The following ARID3A variants were observed in gnomAD, a reference collection of about 807,000 sequenced individuals.
The protein encoded by ARID3A is AT-rich interaction domain 3A.
Under a neutral mutation model 52.7 loss-of-function variants are expected in ARID3A, and 11 were observed. The ratio of observed to expected loss-of-function variants is 0.21; its 90% CI spans 0.13 to 0.35. The LOEUF (loss-of-function observed/expected upper bound fraction) is 0.35. Among genes scored for constraint, ARID3A ranks in the 10% least tolerant of loss-of-function variants. The pLI, the probability that ARID3A is intolerant of heterozygous loss-of-function variation, is 1.00. For synonymous variants in ARID3A, 404 were observed against 359.4 expected (o/e 1.12, Z -1.40); for missense variants, 721 against 838.5 (o/e 0.86, Z 1.73).
intron 3 of ARID3A, among the ~76,000 whole-genome samples, chr19:951,333 G>A (rs2037799350): frequency 6.6e-6 from 1 of 151,576 alleles, no homozygotes; most frequent in South Asian, 2.1e-4. Flanking sequence ...GAGGCGGGCG[G>A]ATCACAAGGT....
chr19:952,151 C>T (rs1213296504), intron 3 of ARID3A, among the ~76,000 whole-genome samples: 2 of 150,400 alleles, frequency 1.3e-5, no homozygotes, highest in Non-Finnish European at 3.0e-5. Context: ...AAAACAAAAA[C>T]AAAGTGTCTC....
chr19:946,290 C>T (rs2037678565), intron 3 of ARID3A, among the ~76,000 whole-genome samples: 3 of 152,004 alleles, frequency 2.0e-5, no homozygotes, highest in African/African-American at 4.8e-5. Context: ...GAGACAGAGT[C>T]TTGCTTTGTC....
rs2038023748 is a variant in ARID3A, at chr19:960,767, G to A, written c.766+603G>A. 6.6e-6 allele frequency among the ~76,000 whole-genome samples: 1 copy of A among 152,126 alleles called. No individual in the cohort carries two copies. Among genetic ancestry groups the A allele is most frequent in the Non-Finnish European group, 1.5e-5 (1 of 68,022 alleles). ...GGTACCCCAGATGTGCTGAGTGCAG[G>A]GCCGCTGTTTACTGTGCACACTTAT... On this transcript the variant is annotated intron_variant, in intron 4 of 8. Coordinates refer to ENST00000263620, the MANE Select transcript of ARID3A (RefSeq NM_005224.3). The surrounding 1 kb of genome is among the most constrained non-coding windows in gnomAD (Gnocchi z 4.3).
chr19:946,796 T>TTG (rs544067938), intron 3 of ARID3A, among the ~76,000 whole-genome samples: 4,467 of 150,096 alleles, frequency 0.03, 90 homozygotes, highest in African/African-American at 0.053. Flanking sequence ...GTTTGTTTGT[T>TTG]TGTGTGTGTG....
At chr19:971,701 C>A (rs964717267) in intron 8 of ARID3A, among the ~76,000 whole-genome samples, 177 bp from the exon 9 acceptor site, 4 of 152,178 alleles carry the variant, frequency 2.6e-5, no homozygotes, top group African/African-American at 9.7e-5. Flanking sequence ...CTGGGAGGAT[C>A]ACTTGAGCCC....
At position 973,398 on chromosome 19, in the gene ARID3A, G is replaced by C. The variant is rs2038322054; in HGVS notation, c.*1333G>C. 5.3e-6 allele frequency: 1 copy of C among 189,464 alleles called. No individual in the cohort carries two copies. The highest frequency in any genetic ancestry group is 1.9e-4 in the South Asian group (1 of 5,146). The allele number at this position is 189,464 out of a possible 1,614,324, so 11.7% of individuals were successfully genotyped here. On this transcript the variant is annotated 3_prime_UTR_variant, in exon 9 of 9. Coordinates refer to ENST00000263620, the MANE Select transcript of ARID3A (RefSeq NM_005224.3). ...CAAAGTGCTGGGATTACAGGCATGAGCCGCCACGCTGGCCCGGTCTGGAAA... is the reference window on the plus strand; with the variant it reads ...CAAAGTGCTGGGATTACAGGCATGACCCGCCACGCTGGCCCGGTCTGGAAA...
In ARID3A at chr19:974,846, G is replaced by C. The variant is rs375326157; in HGVS notation, c.*2781G>C. On this transcript the variant is annotated 3_prime_UTR_variant, in exon 9 of 9. Transcript: ENST00000263620. ...AGGACTTGAGCCTGCTGTTAACTCC[G>C]ATGATTGTAGGGACAGGCGGGGTGG... 25 of 142,814 alleles carry C rather than the reference G, an allele frequency of 1.8e-4. No homozygotes were observed. The highest frequency in any genetic ancestry group is 5.9e-4 in the African/African-American group (23 of 38,952). 8.8% of individuals were successfully genotyped at this position (142,814 alleles called of 1,614,324 possible). A position where few individuals can be genotyped will look rare whatever the true frequency, so the allele number is the denominator to read the frequency against.
chr19:942,051 C>T lies in ARID3A; in HGVS notation c.693+9309C>T, dbSNP rs916719240. 1.3e-5 allele frequency among the ~76,000 whole-genome samples: 2 copies of T among 152,174 alleles called. No individual in the cohort carries two copies. The highest frequency in any genetic ancestry group is 6.5e-5 in the Admixed American group (1 of 15,278). ...GCGCTGTCTGTCTTGGTCAGCAGCG[C>T]GCGTCGGCCGCGGGGCACAGATCAG... On this transcript the variant is annotated intron_variant, in intron 3 of 8. Transcript: ENST00000263620. This position sits in a 1 kb window ranked among gnomAD's most constrained non-coding sequence, Gnocchi z 8.1.
At position 959,469 on chromosome 19, in the gene ARID3A, G is replaced by C. The variant is rs191167044; in HGVS notation, c.694-623G>C. 7.7e-4 allele frequency among the ~76,000 whole-genome samples: 117 copies of C among 152,166 alleles called. No individual in the cohort carries two copies. The highest frequency in any genetic ancestry group is 4.8e-3 in the South Asian group (23 of 4,822). On this transcript the variant is annotated intron_variant, in intron 3 of 8. Transcript: ENST00000263620. The surrounding 1 kb of genome is among the most constrained non-coding windows in gnomAD (Gnocchi z 5.0). ...TTTGTTATCATAATGTAGAGATGGG[G>C]TCTCACTATGTTGCCCAGGCTGGTC...
chr19:932,508 G>T lies in ARID3A; in HGVS notation c.459G>T (p.Glu153Asp). The T allele has an allele frequency of 6.5e-7, 1 of 1,544,746 alleles. No individual in the cohort carries two copies. The change falls in exon 3 of 9, where the codon GAG (glutamate) becomes GAT (aspartate). Residue 153 changes from glutamate (E) to aspartate (D), a missense_variant. Physicochemically the swap from Glu to Asp is conservative, Grantham distance 45. Coordinates refer to ENST00000263620, the MANE Select transcript of ARID3A (RefSeq NM_005224.3). Reference sequence around the variant, plus strand: ...AGGATTACGAGGATGAGGAGGAGGAGGAGGACGAGGAGGGGCTGGGCCCCC... The same window carrying T: ...AGGATTACGAGGATGAGGAGGAGGATGAGGACGAGGAGGGGCTGGGCCCCC... The part of the protein sequence containing the change: ...EEEDYEDEEE[E>D]EDEEGLGPPG...
In ARID3A at chr19:966,717, G is replaced by T; in HGVS notation, c.1344G>T (p.Gln448His). ...AVAAQAAALE[Q>H]LREKLESAEP... is the part of the protein sequence containing the mutation. ...CCGCACAGGCAGCTGCCCTGGAACA[G>T]CTGCGGGAGAAGCTGGAGTCTGCAG... Residue 448 changes from glutamine (Q) to histidine (H), a missense_variant, in exon 7 of 9, where the codon CAG (glutamine) becomes CAT (histidine). Gln to His is a conservative substitution (Grantham distance 24, BLOSUM62 0). Coordinates refer to ENST00000263620, the MANE Select transcript of ARID3A (RefSeq NM_005224.3). 1 of 1,612,432 alleles carries T rather than the reference G, an allele frequency of 6.2e-7. No individual in the cohort carries two copies. Among genetic ancestry groups the T allele is most frequent in the Non-Finnish European group, 8.5e-7 (1 of 1,179,704 alleles).
rs896580333 is a variant in ARID3A, at chr19:975,363, G to C, written c.*3298G>C. 1.3e-5 allele frequency: 3 copies of C among 231,222 alleles called. No individual in the cohort carries two copies. Among genetic ancestry groups the C allele is most frequent in the Non-Finnish European group, 2.6e-5 (3 of 116,880 alleles). 14.3% of individuals were successfully genotyped at this position (231,222 alleles called of 1,614,324 possible). A position where few individuals can be genotyped will look rare whatever the true frequency, so the allele number is the denominator to read the frequency against. On this transcript the variant is annotated 3_prime_UTR_variant, in exon 9 of 9. Coordinates refer to ENST00000263620, the MANE Select transcript of ARID3A (RefSeq NM_005224.3). ...CAGAAAGGCGGGAGGGTGGGCACGG[G>C]GCACGGGGGGCAGCTGGGGTCGTTG...
At chr19:966,474 A>G in intron 6 of ARID3A, 98 bp from the exon 7 acceptor site, 2 of 1,048,652 alleles carry the variant, frequency 1.9e-6, no homozygotes, top group Non-Finnish European at 2.6e-6. Context: ...AAAAAAAAAA[A>G]AGAAAAGAAA....
chr19:949,397 G>C (rs1160983279), intron 3 of ARID3A, among the ~76,000 whole-genome samples: 1 of 152,304 alleles, frequency 6.6e-6, no homozygotes, highest in South Asian at 2.1e-4. Flanking sequence ...CCTCCGGGAG[G>C]GGGTGGGGGG....
In ARID3A at chr19:975,492, C is replaced by T. The variant is rs896288808; in HGVS notation, c.*3427C>T. ...TGTGCTTTTGCATTTTTTTCCTTGG[C>T]AAATGTAAACTCAGCCTTTCATTCA... On this transcript the variant is annotated 3_prime_UTR_variant, in exon 9 of 9. Coordinates refer to ENST00000263620, the MANE Select transcript of ARID3A (RefSeq NM_005224.3). The T allele has an allele frequency of 1.3e-5, 3 of 224,540 alleles. No homozygotes were observed. Among genetic ancestry groups the T allele is most frequent in the Non-Finnish European group, 2.7e-5 (3 of 112,780 alleles). The allele number at this position is 224,540 out of a possible 1,614,324, so 13.9% of individuals were successfully genotyped here.
chr19:968,352 C>CT, intron 7 of ARID3A, 53 bp from the exon 8 acceptor site: 2 of 1,520,440 alleles, frequency 1.3e-6, no homozygotes, highest in South Asian at 2.3e-5. Flanking sequence ...GAGCAAGACT[C>CT]TGTCTCAAAA....
chr19:971,782 A>T, intron 8 of ARID3A, 96 bp from the exon 9 acceptor site: 1 of 1,429,854 alleles, frequency 7.0e-7, no homozygotes, highest in Non-Finnish European at 9.3e-7. Flanking sequence ...GTGAGAGAGA[A>T]GTTTATTCCC....
Position 942,725 on chromosome 19 carries a change from T to A in ARID3A, c.693+9983T>A, listed in dbSNP as rs117093848. Among the ~76,000 whole-genome samples, 6,582 of 152,246 alleles carry A rather than the reference T, an allele frequency of 0.043. 212 individuals carry two copies. The highest frequency in any genetic ancestry group is 0.061 in the Middle Eastern group (18 of 294). Reference sequence around the variant, plus strand: ...GAGCTCCCTGGGGACCCAGGCCCCATGTCCAGAAGCCACGCTGGACATAGT... The same window carrying A: ...GAGCTCCCTGGGGACCCAGGCCCCAAGTCCAGAAGCCACGCTGGACATAGT... On this transcript the variant is annotated intron_variant, in intron 3 of 8. Transcript: ENST00000263620. This position sits in a 1 kb window ranked among gnomAD's most constrained non-coding sequence, Gnocchi z 8.1.
At chr19:949,874 C>G (rs1416658108) in intron 3 of ARID3A, among the ~76,000 whole-genome samples, 2 of 151,196 alleles carry the variant, frequency 1.3e-5, no homozygotes, top group Non-Finnish European at 2.9e-5. Flanking sequence ...CGGGGTTTCT[C>G]CATGTTGGCC....
Sources: allele counts gnomAD v4.1 joint callset (sites outside exome capture counted in the v4.1 genomes callset), GRCh38; gene constraint gnomAD v4.1.1; non-coding constraint Gnocchi (gnomAD v3.1); transcripts MANE v1.5; gene names NCBI Gene and HGNC (gene_info 2026-07-23, HGNC 2026-07-21).